The following GALNT13 variants were observed in gnomAD, a reference collection of about 807,000 sequenced individuals.
GALNT13 encodes the protein polypeptide N-acetylgalactosaminyltransferase 13.
Under a neutral mutation model 64.2 loss-of-function variants are expected in GALNT13, and 28 were observed. The observed-to-expected ratio is 0.44, with a 90% confidence interval of 0.32 to 0.60. GALNT13 has a LOEUF of 0.60. Among genes scored for constraint, GALNT13 ranks in the 20% least tolerant of loss-of-function variants. GALNT13 has a pLI of 0.05. For missense variants in GALNT13, 577 were observed against 669.8 expected (o/e 0.86, Z 1.53); for synonymous variants, 214 against 224.6 (o/e 0.95, Z 0.42).
the GALNT13 span, among the ~76,000 whole-genome samples, chr2:153,348,657 G>A: frequency 6.6e-6 from 1 of 152,152 alleles, no homozygotes; most frequent in Admixed American, 6.5e-5. Context: ...CTCACATAGT[G>A]CCTGCCTTAG....
intron 11 of GALNT13, among the ~76,000 whole-genome samples, chr2:154,430,304 A>G (rs927592791): frequency 8.5e-5 from 13 of 152,194 alleles, no homozygotes; most frequent in Non-Finnish European, 1.5e-5. Flanking sequence ...TCAAAATATC[A>G]ACAATATCAG....
At chr2:153,153,685 G>A in the GALNT13 span, among the ~76,000 whole-genome samples, 1 of 141,188 alleles carries the variant, frequency 7.1e-6, no homozygotes, top group Non-Finnish European at 1.6e-5. Context: ...TTTTTGTCAG[G>A]TTTGTCAAAG....
At chr2:153,580,188 T>C in the GALNT13 span, among the ~76,000 whole-genome samples, 1 of 152,130 alleles carries the variant, frequency 6.6e-6, no homozygotes, top group African/African-American at 2.4e-5. Context: ...AAATTCACCA[T>C]TTATGTGGAT....
chr2:153,930,596 G>GA (rs1690448681), intron 2 of GALNT13, among the ~76,000 whole-genome samples: 1 of 151,870 alleles, frequency 6.6e-6, no homozygotes, highest in South Asian at 2.1e-4. Flanking sequence ...CTCATTGCTA[G>GA]TTTTTTTTAC....
the GALNT13 span, among the ~76,000 whole-genome samples, chr2:153,575,608 C>T: frequency 3.7e-4 from 56 of 152,272 alleles, no homozygotes; most frequent in Non-Finnish European, 5.7e-4. Context: ...GCACTCTTCA[C>T]TCCCCTTTCT....
At chr2:154,198,315 A>G (rs1686984653) in intron 4 of GALNT13, among the ~76,000 whole-genome samples, 1 of 152,006 alleles carries the variant, frequency 6.6e-6, no homozygotes, top group Non-Finnish European at 1.5e-5. Context: ...TGTACCTCAC[A>G]TGCTTTAAAT....
chr2:154,075,423 T>G, intron 3 of GALNT13, among the ~76,000 whole-genome samples: 1 of 151,970 alleles, frequency 6.6e-6, no homozygotes, highest in Middle Eastern at 3.4e-3. Context: ...TTTATACTAC[T>G]TTTTCATTAT....
the GALNT13 span, among the ~76,000 whole-genome samples, chr2:153,674,127 C>T: frequency 1.5e-4 from 23 of 152,162 alleles, no homozygotes; most frequent in East Asian, 2.9e-3. Flanking sequence ...CCATACTGTG[C>T]GAGGTAATTT....
the GALNT13 span, among the ~76,000 whole-genome samples, chr2:153,164,476 C>T: frequency 1.3e-5 from 2 of 151,846 alleles, no homozygotes; most frequent in Admixed American, 6.6e-5. Flanking sequence ...TCTGTGTTTA[C>T]GTGTATTTGA....
At chr2:153,910,786 G>A (rs1395451197) in intron 2 of GALNT13, among the ~76,000 whole-genome samples, 1 of 152,134 alleles carries the variant, frequency 6.6e-6, no homozygotes, top group Non-Finnish European at 1.5e-5. Context: ...TGTTGTCTGA[G>A]AGAGTAGTTG....
intron 3 of GALNT13, among the ~76,000 whole-genome samples, chr2:154,080,293 A>G (rs1173721029): frequency 6.6e-6 from 1 of 151,584 alleles, no homozygotes; most frequent in Admixed American, 6.6e-5. Context: ...AAAGCTATGG[A>G]AAAAGAAGGA....
chr2:153,883,150 T>C (rs1686899563), intron 1 of GALNT13, among the ~76,000 whole-genome samples: 3 of 149,706 alleles, frequency 2.0e-5, no homozygotes, highest in Non-Finnish European at 3.0e-5. Flanking sequence ...GTGGATGATA[T>C]AGAAAAGGAA....
the GALNT13 span, among the ~76,000 whole-genome samples, chr2:153,629,666 G>T: frequency 6.6e-6 from 1 of 151,932 alleles, no homozygotes; most frequent in African/African-American, 2.4e-5. Context: ...TTAAACTAAA[G>T]AGCTTCTGCA....
chr2:153,267,516 G>A, the GALNT13 span, among the ~76,000 whole-genome samples: 4 of 152,190 alleles, frequency 2.6e-5, no homozygotes, highest in African/African-American at 9.6e-5. Context: ...ACCCTCTAAA[G>A]CAATAGCCCA....
chr2:153,588,718 C>T, the GALNT13 span, among the ~76,000 whole-genome samples: 1 of 152,238 alleles, frequency 6.6e-6, no homozygotes, highest in Non-Finnish European at 1.5e-5. Flanking sequence ...CATAGTTTTG[C>T]AGCTGGCTTG....
the GALNT13 span, among the ~76,000 whole-genome samples, chr2:153,553,837 G>T: frequency 6.6e-6 from 1 of 152,090 alleles, no homozygotes; most frequent in African/African-American, 2.4e-5. Flanking sequence ...GGCAGCTGAA[G>T]GGAGTTTCCA....
intron 3 of GALNT13, among the ~76,000 whole-genome samples, chr2:154,051,279 CTT>C (rs34890901): frequency 0.1 from 10,459 of 101,688 alleles, 192 homozygotes; most frequent in East Asian, 0.16. Flanking sequence ...CTTACTCCTT[CTT>C]TTTTTTTTTT....
chr2:153,570,016 T>C, the GALNT13 span, among the ~76,000 whole-genome samples: 1 of 152,160 alleles, frequency 6.6e-6, no homozygotes, highest in African/African-American at 2.4e-5. Flanking sequence ...CTGTTATTCA[T>C]AGTGGTTGTA....
the GALNT13 span, among the ~76,000 whole-genome samples, chr2:153,255,594 G>A: frequency 2.6e-5 from 4 of 152,068 alleles, no homozygotes; most frequent in Non-Finnish European, 4.4e-5. Context: ...TGATTTTGCA[G>A]CGGCTGGTAC....
Sources: allele counts gnomAD v4.1 joint callset (sites outside exome capture counted in the v4.1 genomes callset), GRCh38; gene constraint gnomAD v4.1.1; transcripts MANE v1.5; gene names NCBI Gene and HGNC (gene_info 2026-07-23, HGNC 2026-07-21).